SPOCK3: variants seen among roughly 807,000 people sequenced by gnomAD.
SPOCK3 encodes testican-3.
SPOCK3 carries 30 observed loss-of-function variants against 56.6 expected under a neutral mutation model. The ratio of observed to expected loss-of-function variants is 0.53; its 90% CI spans 0.40 to 0.72. The LOEUF is 0.72. SPOCK3 is among the 30% of genes least tolerant of loss of function. The pLI, the probability that SPOCK3 is intolerant of heterozygous loss-of-function variation, is 0.00. For synonymous variants in SPOCK3, 196 were observed against 183.3 expected (o/e 1.07, Z -0.56); for missense variants, 527 against 530.0 (o/e 0.99, Z 0.06).
intron 3 of SPOCK3, among the ~76,000 whole-genome samples, chr4:167,008,866 G>A (rs1174224934): frequency 6.6e-6 from 1 of 152,004 alleles, no homozygotes; most frequent in African/African-American, 2.4e-5. Context: ...GCAGGGGAAG[G>A]ACTGGAAAAA....
intron 5 of SPOCK3, among the ~76,000 whole-genome samples, chr4:166,908,305 CACACA>C (rs1736855114): frequency 1.4e-5 from 2 of 147,550 alleles, no homozygotes; most frequent in South Asian, 4.3e-4. Context: ...CACACACACA[CACACA>C]CCCCTACCTT....
chr4:166,996,140 C>A (rs1189045805), intron 4 of SPOCK3, among the ~76,000 whole-genome samples: 2 of 152,100 alleles, frequency 1.3e-5, no homozygotes, highest in Non-Finnish European at 1.5e-5. Flanking sequence ...CTACTTTCAT[C>A]ATTTTCTATA....
chr4:167,009,142 T>C (rs893937050), intron 3 of SPOCK3, among the ~76,000 whole-genome samples: 1 of 152,096 alleles, frequency 6.6e-6, no homozygotes, highest in Non-Finnish European at 1.5e-5. Context: ...CCAGAAAAAT[T>C]ATAATTAAAA....
At chr4:167,081,277 C>T (rs533390273) in intron 2 of SPOCK3, among the ~76,000 whole-genome samples, 2 of 152,054 alleles carry the variant, frequency 1.3e-5, no homozygotes, top group South Asian at 2.1e-4. Flanking sequence ...CTTTGCTGGG[C>T]TTTGAAGATA....
At chr4:166,902,229 G>C (rs1437366423) in intron 5 of SPOCK3, among the ~76,000 whole-genome samples, 1 of 151,972 alleles carries the variant, frequency 6.6e-6, no homozygotes, top group Non-Finnish European at 1.5e-5. Flanking sequence ...GCTTTTTGTT[G>C]GTATAATGGT....
chr4:166,834,139 C>A (rs1579360344), intron 6 of SPOCK3, among the ~76,000 whole-genome samples: 1 of 152,166 alleles, frequency 6.6e-6, no homozygotes, highest in Non-Finnish European at 1.5e-5. Flanking sequence ...CTTCTCTGGT[C>A]TTTTGCCCTG....
At position 167,017,745 on chromosome 4, in the gene SPOCK3, T is replaced by C. The variant is rs529751684; in HGVS notation, c.236-17282A>G. On this transcript the variant is annotated intron_variant, in intron 3 of 10. Transcript: ENST00000357545. ...GTATGTGTGTGTGTGTGAGTGTGTG[T>C]ATGCATGTGTGTGTTAGCTATTTTG... Among the ~76,000 whole-genome samples, 16 of 152,240 alleles carry C rather than the reference T, an allele frequency of 1.1e-4. No homozygotes were observed. In the South Asian group the frequency reaches 2.5e-3, roughly 24 times the overall value.
chr4:167,061,708 G>C (rs926035499), intron 3 of SPOCK3, among the ~76,000 whole-genome samples: 3 of 151,904 alleles, frequency 2.0e-5, no homozygotes, highest in African/African-American at 7.2e-5. Flanking sequence ...TTTTAAGTCT[G>C]ACTACTTCAC....
intron 9 of SPOCK3, among the ~76,000 whole-genome samples, chr4:166,740,505 A>C (rs1579079006): frequency 1.4e-5 from 1 of 70,164 alleles, no homozygotes; most frequent in Admixed American, 1.5e-4. Flanking sequence ...TATTATTATT[A>C]TTATTATTAT....
At chr4:167,175,396 T>C (rs1730893738) in intron 2 of SPOCK3, among the ~76,000 whole-genome samples, 1 of 152,134 alleles carries the variant, frequency 6.6e-6, no homozygotes, top group African/African-American at 2.4e-5. Context: ...TCTGAGAATA[T>C]AGTCATTGCT....
chr4:167,138,631 A>T (rs1580408814), intron 2 of SPOCK3, among the ~76,000 whole-genome samples: 1 of 151,912 alleles, frequency 6.6e-6, no homozygotes, highest in Non-Finnish European at 1.5e-5. Context: ...ATAAGCCCAT[A>T]TCAAGAATGC....
intron 3 of SPOCK3, among the ~76,000 whole-genome samples, chr4:167,033,392 C>CATT (rs55774234): frequency 0.14 from 20,597 of 146,404 alleles, 1,672 homozygotes; most frequent in African/African-American, 0.23. Flanking sequence ...AGCAATTATT[C>CATT]ATTATTATTA....
chr4:167,188,535 AT>A lies in SPOCK3; in HGVS notation c.189+45449del, dbSNP rs1278239068. ...GAACTTTAAGAGCACAATGACAGTA[AT>A]AAGATTAAAATAATTAAAATGCCAA... On this transcript the variant is annotated intron_variant, in intron 2 of 10. Coordinates refer to ENST00000357545, the MANE Select transcript of SPOCK3 (RefSeq NM_001040159.2). Among the ~76,000 whole-genome samples the A allele has an allele frequency of 4.1e-5, 6 of 146,268 alleles. 2 individuals carry two copies. The highest frequency in any genetic ancestry group is 7.4e-5 in the Non-Finnish European group (5 of 67,158).
At chr4:167,116,326 TG>T (rs1761322641) in intron 2 of SPOCK3, among the ~76,000 whole-genome samples, 1 of 150,798 alleles carries the variant, frequency 6.6e-6, no homozygotes, top group Non-Finnish European at 1.5e-5. Context: ...AAAAGATGAT[TG>T]CTTCCTCTTT....
At position 167,201,801 on chromosome 4, in the gene SPOCK3, T is replaced by C. The variant is rs537397590; in HGVS notation, c.189+32184A>G. 1.7e-4 allele frequency among the ~76,000 whole-genome samples: 26 copies of C among 152,038 alleles called. No individual in the cohort carries two copies. The East Asian group carries it at 5.0e-3, about 29-fold the overall frequency. ...TGTAGGAGAATGAAATTTAAACTAA[T>C]GTATCTTCTAAGGATCCTAACTAAA... On this transcript the variant is annotated intron_variant, in intron 2 of 10. Transcript: ENST00000357545.
At chr4:166,903,121 TTATAATATAAA>T in intron 5 of SPOCK3, among the ~76,000 whole-genome samples, 1 of 147,346 alleles carries the variant, frequency 6.8e-6, no homozygotes, top group African/African-American at 2.5e-5. Flanking sequence ...TATAAATTAT[TTATAATATAAA>T]TTATAAATAA....
At chr4:166,787,997 CA>C (rs1422024911) in intron 7 of SPOCK3, among the ~76,000 whole-genome samples, 46 of 152,216 alleles carry the variant, frequency 3.0e-4, no homozygotes, top group African/African-American at 1.1e-3. Context: ...GCCTGGCCAA[CA>C]TGGTGAAACC....
intron 2 of SPOCK3, among the ~76,000 whole-genome samples, chr4:167,125,219 ATTTATTTATT>A (rs1234638925): frequency 1.4e-5 from 2 of 147,370 alleles, no homozygotes; most frequent in African/African-American, 2.5e-5. Flanking sequence ...TTATTTATTT[ATTTATTTATT>A]TTTATTTATT....
chr4:166,927,502 A>C (rs1739250956), intron 4 of SPOCK3, among the ~76,000 whole-genome samples: 1 of 152,164 alleles, frequency 6.6e-6, no homozygotes, highest in South Asian at 2.1e-4. Context: ...CCCCACTCTC[A>C]GGTATGTCTT....
Sources: allele counts gnomAD v4.1 joint callset (sites outside exome capture counted in the v4.1 genomes callset), GRCh38; gene constraint gnomAD v4.1.1; transcripts MANE v1.5; gene names NCBI Gene and HGNC (gene_info 2026-07-23, HGNC 2026-07-21).